The following PPM1L variants were observed in gnomAD, a reference collection of about 807,000 sequenced individuals.
The protein encoded by PPM1L is protein phosphatase 1L.
In PPM1L, 13 loss-of-function variants were observed where a neutral mutation model predicts 31.4. That is an observed-to-expected ratio of 0.41 (90% confidence interval 0.27 to 0.66). PPM1L has a LOEUF of 0.66. Among genes scored for constraint, PPM1L ranks in the 30% least tolerant of loss-of-function variants. The probability of loss-of-function intolerance (pLI) is 0.29; values close to 1 mark genes in which losing one functional copy is unlikely to be tolerated. For synonymous variants in PPM1L, 184 were observed against 175.4 expected, an observed-to-expected ratio of 1.05 and a Z score of -0.39; for missense variants, 326 against 453.7, an observed-to-expected ratio of 0.72 and a Z score of 2.56.
intron 1 of PPM1L, among the ~76,000 whole-genome samples, chr3:160,819,892 G>A (rs1713142442): frequency 6.6e-6 from 1 of 151,880 alleles, no homozygotes; most frequent in Admixed American, 6.6e-5. Flanking sequence ...GACATCCTTT[G>A]TCATTTTATT....
chr3:160,884,500 G>A (rs2108040445), intron 1 of PPM1L, among the ~76,000 whole-genome samples: 1 of 152,354 alleles, frequency 6.6e-6, no homozygotes, highest in East Asian at 1.9e-4. Flanking sequence ...CCTATGTGCT[G>A]TAAGGGACCC....
intron 1 of PPM1L, among the ~76,000 whole-genome samples, chr3:160,791,291 T>C (rs994862195): frequency 6.6e-6 from 1 of 152,156 alleles, no homozygotes; most frequent in African/African-American, 2.4e-5. Flanking sequence ...ACTTTTGCCA[T>C]TGAACTCCTT....
intron 2 of PPM1L, among the ~76,000 whole-genome samples, chr3:160,980,429 C>A (rs1248722567): frequency 6.6e-6 from 1 of 151,866 alleles, no homozygotes; most frequent in Non-Finnish European, 1.5e-5. Context: ...GTAATCCCAG[C>A]ACTTTGGGAG....
chr3:160,973,830 A>G (rs1304241384), intron 2 of PPM1L, among the ~76,000 whole-genome samples: 1 of 105,778 alleles, frequency 9.5e-6, no homozygotes, highest in Non-Finnish European at 2.1e-5. Context: ...TTTTTTTTTG[A>G]GAATGATTCT....
At chr3:161,067,255 T>C (rs60783713) in intron 3 of PPM1L, among the ~76,000 whole-genome samples, 1,616 of 152,312 alleles carry the variant, frequency 0.011, 38 homozygotes, top group African/African-American at 0.037. Flanking sequence ...CTGCACCCTA[T>C]GTTGATTCTT....
At chr3:161,020,657 A>G (rs1360997952) in intron 2 of PPM1L, among the ~76,000 whole-genome samples, 1 of 152,196 alleles carries the variant, frequency 6.6e-6, no homozygotes. Flanking sequence ...GATAGAATTC[A>G]CTGATGAATC....
chr3:160,770,632 G>T (rs1220942487), intron 1 of PPM1L, among the ~76,000 whole-genome samples: 2 of 152,180 alleles, frequency 1.3e-5, no homozygotes, highest in Admixed American at 6.5e-5. Flanking sequence ...TGAAGGAAAT[G>T]ACCTAGAAAG....
At chr3:160,810,964 G>T (rs1712786604) in intron 1 of PPM1L, among the ~76,000 whole-genome samples, 1 of 152,094 alleles carries the variant, frequency 6.6e-6, no homozygotes, top group South Asian at 2.1e-4. Context: ...AGCCCCAGAG[G>T]CCTTTGATCA....
chr3:160,964,647 G>A (rs531661458), intron 2 of PPM1L, among the ~76,000 whole-genome samples: 2 of 152,108 alleles, frequency 1.3e-5, no homozygotes, highest in South Asian at 2.1e-4. Flanking sequence ...AGGCAGAGGG[G>A]AAGTTTTTAA....
chr3:160,966,002 C>G (rs1716130002), intron 2 of PPM1L, among the ~76,000 whole-genome samples: 1 of 151,996 alleles, frequency 6.6e-6, no homozygotes, highest in African/African-American at 2.4e-5. Context: ...CTCTTTCTCT[C>G]TCTCTTCCCC....
rs1194185960 is a variant in PPM1L, at chr3:161,074,061, G to C, written c.*4904G>C. The C allele has an allele frequency of 6.6e-6, 1 of 152,096 alleles. No homozygotes were observed. Among genetic ancestry groups the C allele is most frequent in the East Asian group, 1.9e-4 (1 of 5,200 alleles). 9.4% of individuals were successfully genotyped at this position (152,096 alleles called of 1,614,324 possible). ...CACAGAAAAGGAAAAACAGAAATTT[G>C]ATTTTAATTCACTTTTGAAATTTTA... On this transcript the variant is annotated 3_prime_UTR_variant, in exon 4 of 4. Transcript: ENST00000498165.
intron 1 of PPM1L, among the ~76,000 whole-genome samples, chr3:160,761,873 T>G (rs1714977711): frequency 6.6e-6 from 1 of 152,116 alleles, no homozygotes. Context: ...TATATAATTA[T>G]CAGATCTTGT....
At chr3:160,906,157 A>C (rs1278400590) in intron 1 of PPM1L, among the ~76,000 whole-genome samples, 1 of 152,146 alleles carries the variant, frequency 6.6e-6, no homozygotes, top group Non-Finnish European at 1.5e-5. Flanking sequence ...TGGATTCTAC[A>C]AATTGTATTT....
chr3:160,823,585 C>T (rs1010986365), intron 1 of PPM1L, among the ~76,000 whole-genome samples: 5 of 151,762 alleles, frequency 3.3e-5, no homozygotes, highest in Admixed American at 2.6e-4. Context: ...TTTTCATTTT[C>T]CATATTTATC....
At chr3:161,055,233 G>C (rs1173657160) in intron 2 of PPM1L, among the ~76,000 whole-genome samples, 2 of 152,116 alleles carry the variant, frequency 1.3e-5, no homozygotes, top group African/African-American at 4.8e-5. Flanking sequence ...TTGATTATTA[G>C]AAGAAAGACT....
At chr3:161,003,019 A>G (rs1296903933) in intron 2 of PPM1L, among the ~76,000 whole-genome samples, 1,761 of 146,142 alleles carry the variant, frequency 0.012, 9 homozygotes, top group South Asian at 0.016. Flanking sequence ...TTTTGTATAA[A>G]GTGTAAGGAA....
chr3:161,020,872 T>A (rs1718219116), intron 2 of PPM1L, among the ~76,000 whole-genome samples: 1 of 152,100 alleles, frequency 6.6e-6, no homozygotes, highest in Non-Finnish European at 1.5e-5. Context: ...TATTTTCTTA[T>A]TATCCTTTTA....
At chr3:160,945,011 C>G (rs1559897557) in intron 1 of PPM1L, among the ~76,000 whole-genome samples, 1 of 20,310 alleles carries the variant, frequency 4.9e-5, no homozygotes, top group African/African-American at 1.4e-4. Flanking sequence ...CTATATATAA[C>G]ATATATATTA....
intron 1 of PPM1L, among the ~76,000 whole-genome samples, chr3:160,782,309 G>A (rs773573785): frequency 2.0e-5 from 3 of 152,158 alleles, no homozygotes; most frequent in Non-Finnish European, 4.4e-5. Flanking sequence ...GATGGAGGTT[G>A]CAGTTTTCAG....
Sources: gnomAD v4.1 joint callset for allele counts (sites outside exome capture counted in the v4.1 genomes callset) on GRCh38, gnomAD v4.1.1 for gene constraint, MANE v1.5 for transcripts, NCBI Gene and HGNC (gene_info 2026-07-23, HGNC 2026-07-21) for gene names.